MPHOSPH9: variants seen among roughly 807,000 people sequenced by gnomAD.
MPHOSPH9 encodes M-phase phosphoprotein 9.
A neutral mutation model predicts 145.5 loss-of-function variants in MPHOSPH9; 88 were observed. The ratio of observed to expected loss-of-function variants is 0.60; its 90% CI spans 0.51 to 0.72. The LOEUF is 0.72. Among genes scored for constraint, MPHOSPH9 ranks in the 30% least tolerant of loss-of-function variants. The pLI is 0.00. For missense variants in MPHOSPH9, 1,238 were observed against 1,386.6 expected, an observed-to-expected ratio of 0.89 and a Z score of 1.70; for synonymous variants, 435 against 486.2, an observed-to-expected ratio of 0.89 and a Z score of 1.39.
chr12:123,186,227 CAAAAAAAAAAAA>C (rs35294099), intron 13 of MPHOSPH9, among the ~76,000 whole-genome samples: 175 of 101,314 alleles, frequency 1.7e-3, no homozygotes, highest in African/African-American at 8.3e-3. Flanking sequence ...AACTCCGTCT[CAAAAAAAAAAAA>C]AAAAAAAAAA....
chr12:123,203,426 T>G (rs776571460), intron 8 of MPHOSPH9, 51 bp from the exon 9 acceptor site: 1 of 1,460,776 alleles, frequency 6.8e-7, no homozygotes, highest in East Asian at 2.3e-5. Context: ...TGAAACAAAT[T>G]AATGATATCA....
intron 13 of MPHOSPH9, among the ~76,000 whole-genome samples, chr12:123,192,138 G>A (rs2045703950): frequency 6.6e-6 from 1 of 152,116 alleles, no homozygotes; most frequent in Non-Finnish European, 1.5e-5. Context: ...GCTAAAACTA[G>A]GAGGTAAAAG....
chr12:123,227,701 G>T, intron 2 of MPHOSPH9, 85 bp from the exon 3 acceptor site: 1 of 1,141,478 alleles, frequency 8.8e-7, no homozygotes, highest in Non-Finnish European at 1.2e-6. Context: ...TAGCAGAGCA[G>T]TACAAAACCA....
intron 13 of MPHOSPH9, among the ~76,000 whole-genome samples, chr12:123,186,976 A>G (rs1348565150): frequency 6.6e-6 from 1 of 151,932 alleles, no homozygotes; most frequent in East Asian, 1.9e-4. Flanking sequence ...GGAAAGAAAG[A>G]GGCCAGGCGC....
At chr12:123,181,817 G>C (rs1263995018) in intron 13 of MPHOSPH9, among the ~76,000 whole-genome samples, 1 of 152,154 alleles carries the variant, frequency 6.6e-6, no homozygotes, top group Non-Finnish European at 1.5e-5. Context: ...CAGTGAGCTT[G>C]TAGTGAGGCT....
chr12:123,221,867 A>C lies in MPHOSPH9; in HGVS notation c.377T>G (p.Val126Gly). 6.3e-7 allele frequency: 1 copy of C among 1,586,748 alleles called. No individual in the cohort carries two copies. Among genetic ancestry groups the C allele is most frequent in the South Asian group, 1.1e-5 (1 of 87,720 alleles). ...GGAAGCACTACTAGTCTGTAATTTG[A>C]CTAAATTTTTTATCTCCTCCTGTAT... ...QHIQEEIKNL[V>G]KLQTSSASLA... is the part of the protein sequence containing the mutation. Residue 126 changes from valine to glycine, a missense_variant, in exon 5 of 24, where the codon GTC becomes GGC. Transcript: ENST00000606320.
intron 7 of MPHOSPH9, among the ~76,000 whole-genome samples, chr12:123,212,499 G>A (rs2046771227): frequency 6.6e-6 from 1 of 152,048 alleles, no homozygotes; most frequent in Non-Finnish European, 1.5e-5. Flanking sequence ...CCTGAGGTCA[G>A]GAGTTGAAGA....
At chr12:123,152,793 C>A (rs1593042558), downstream of MPHOSPH9, 13 of 317,008 alleles carry the variant, frequency 4.1e-5, no homozygotes, top group South Asian at 3.3e-4. Context: ...CTGCAACTGT[C>A]AACCATACAT....
At chr12:123,182,933 G>T (rs148501187) in intron 13 of MPHOSPH9, among the ~76,000 whole-genome samples, 2 of 151,420 alleles carry the variant, frequency 1.3e-5, no homozygotes, top group East Asian at 3.9e-4. Context: ...TAAATAAGAG[G>T]CCGGGCGTGG....
At chr12:123,227,843 G>A (rs1593249992) in intron 2 of MPHOSPH9, among the ~76,000 whole-genome samples, 1 of 152,172 alleles carries the variant, frequency 6.6e-6, no homozygotes, top group African/African-American at 2.4e-5. Flanking sequence ...ACCTTCTCCA[G>A]AAGTGAGAGA....
chr12:123,181,314 AT>A, intron 13 of MPHOSPH9, 104 bp from the exon 14 acceptor site: 1 of 896,368 alleles, frequency 1.1e-6, no homozygotes, highest in South Asian at 1.5e-5. Flanking sequence ...AAAAATGCCA[AT>A]GTCATGAAAG....
Position 123,202,979 on chromosome 12 carries a change from G to A in MPHOSPH9, c.1426C>T (p.Pro476Ser). 6.2e-7 allele frequency: 1 copy of A among 1,614,172 alleles called. No individual in the cohort carries two copies. Among genetic ancestry groups the A allele is most frequent in the South Asian group, 1.1e-5 (1 of 91,084 alleles). The change falls in exon 10 of 24, where the codon CCG becomes TCG. Residue 476 changes from proline (P) to serine (S), a missense_variant. By Grantham distance (74) the Pro-to-Ser change is moderately conservative (BLOSUM62 -1). This residue lies in a region of MPHOSPH9 where 837 missense variants were observed against 897.5 expected (regional missense o/e 0.93). Transcript: ENST00000606320. ...NALDDRISFS[P>S]DSVLEPSMSS... Reference sequence around the variant, plus strand: ...ATACTAGGCTCTAGAACAGAGTCCGGGGAAAAGGATATTCTGTCATCAAGG... The same window carrying A: ...ATACTAGGCTCTAGAACAGAGTCCGAGGAAAAGGATATTCTGTCATCAAGG...
At chr12:123,178,858 C>A (rs184711598) in intron 15 of MPHOSPH9, among the ~76,000 whole-genome samples, 1 of 152,166 alleles carries the variant, frequency 6.6e-6, no homozygotes, top group Non-Finnish European at 1.5e-5. Flanking sequence ...GCAATGGATA[C>A]TACCATTTAC....
At chr12:123,190,133 G>C (rs184734429) in intron 13 of MPHOSPH9, among the ~76,000 whole-genome samples, 7 of 151,410 alleles carry the variant, frequency 4.6e-5, no homozygotes, top group Admixed American at 2.0e-4. Flanking sequence ...GATGTCAACT[G>C]CATTTTGTAG....
intron 12 of MPHOSPH9, among the ~76,000 whole-genome samples, chr12:123,197,683 G>A (rs1405911993): frequency 1.3e-5 from 2 of 151,966 alleles, no homozygotes; most frequent in South Asian, 2.1e-4. Context: ...TAGGGAGGCT[G>A]AGGCAGGAGA....
chr12:123,200,501 G>T (rs531510616), intron 11 of MPHOSPH9, among the ~76,000 whole-genome samples: 1 of 152,058 alleles, frequency 6.6e-6, no homozygotes, highest in East Asian at 1.9e-4. Context: ...TGCCCTACAC[G>T]CTCAAACATC....
At chr12:123,170,191 G>A (rs1157110167) in intron 16 of MPHOSPH9, among the ~76,000 whole-genome samples, 3 of 151,556 alleles carry the variant, frequency 2.0e-5, no homozygotes, top group African/African-American at 7.3e-5. Flanking sequence ...CACCCAGGCT[G>A]GAGTACAGTG....
rs2046275819 is a variant in MPHOSPH9, at chr12:123,202,731, GAC to G, written c.1672_1673del (p.Val558HisfsTer36). On this transcript the variant is annotated frameshift_variant, in exon 10 of 24. Coordinates refer to ENST00000606320, the MANE Select transcript of MPHOSPH9 (RefSeq NM_022782.4). LOFTEE classifies it high-confidence loss of function. ...GACTGACTGAGGCCGAAGCAACCATGACAGTGTTTTCTTCATCTACAGTGTTG... is the reference window on the plus strand; with the variant it reads ...GACTGACTGAGGCCGAAGCAACCATGAGTGTTTTCTTCATCTACAGTGTTG... ...SVNTVDEENT[V>X]MVASASVSQS... The G allele has an allele frequency of 1.9e-6, 3 of 1,614,160 alleles. No individual in the cohort carries two copies. The highest frequency in any genetic ancestry group is 1.7e-6 in the Non-Finnish European group (2 of 1,180,014).
At chr12:123,210,001 G>A (rs1198297703) in intron 8 of MPHOSPH9, 55 bp downstream of exon 8, 9 of 1,255,512 alleles carry the variant, frequency 7.2e-6, no homozygotes, top group South Asian at 4.1e-5. Flanking sequence ...CTCCCAAAGC[G>A]CTGGGATTAC....
Sources: allele counts gnomAD v4.1 joint callset (sites outside exome capture counted in the v4.1 genomes callset), GRCh38; gene constraint gnomAD v4.1.1; regional missense constraint gnomAD v4.1.1; transcripts MANE v1.5; gene names NCBI Gene and HGNC (gene_info 2026-07-23, HGNC 2026-07-21).